Variants in SZT2 observed in about 807,000 individuals in gnomAD.
SZT2 encodes SZT2 subunit of KICSTOR complex, also known as KICSTOR complex protein SZT2.
In SZT2, 216 loss-of-function variants were observed where a neutral mutation model predicts 404.2. The ratio of observed to expected loss-of-function variants is 0.53; its 90% confidence interval spans 0.48 to 0.60. The LOEUF is 0.60. SZT2 is among the 20% of genes least tolerant of loss of function. The probability of loss-of-function intolerance (pLI) is 0.00; values close to 1 mark genes in which losing one functional copy is unlikely to be tolerated. For synonymous variants in SZT2, 1,693 were observed against 1,749.9 expected (o/e 0.97, Z 0.81); for missense variants, 3,857 against 4,459.2 (o/e 0.86, Z 3.85).
At chr1:43,428,584 A>G in intron 28 of SZT2, 98 bp downstream of exon 28, 1 of 1,491,900 alleles carries the variant, frequency 6.7e-7, no homozygotes, top group Non-Finnish European at 9.0e-7. Flanking sequence ...GCAAGGTAGT[A>G]TCTAAGCACC....
Position 43,447,183 on chromosome 1 carries a change from G to T in SZT2, c.9286+15G>T. 6.3e-7 allele frequency: 1 copy of T among 1,599,470 alleles called. No individual in the cohort carries two copies. The highest frequency in any genetic ancestry group is 1.7e-5 in the Admixed American group (1 of 58,074). On this transcript the variant is annotated intron_variant, in intron 66 of 71. Transcript: ENST00000634258. ...CATTTACCAAGGTCAGTGCCCAAGG[G>T]CAAGCCAGTGAACCCAAAAAAGAAC...
At chr1:43,422,659 C>CCCA in intron 13 of SZT2, 27 bp downstream of exon 13, 1 of 872,434 alleles carries the variant, frequency 1.1e-6, no homozygotes, top group Non-Finnish European at 1.6e-6. Flanking sequence ...CCCTTCACCC[C>CCCA]CCGCCCCCCC....
intron 42 of SZT2, 59 bp downstream of exon 42, chr1:43,435,388 G>T: frequency 6.3e-7 from 1 of 1,590,122 alleles, no homozygotes; most frequent in Non-Finnish European, 8.6e-7. Context: ...TTCTTTTACC[G>T]AATACTCTGG....
intron 1 of SZT2, 26 bp from the exon 2 acceptor site, chr1:43,403,151 A>T: frequency 6.2e-7 from 1 of 1,611,944 alleles, no homozygotes; most frequent in Non-Finnish European, 8.5e-7. Flanking sequence ...TTTTTTAAAG[A>T]TGTATTAATG....
chr1:43,428,284 G>T lies in SZT2; in HGVS notation c.3964G>T (p.Asp1322Tyr). Residue 1322 changes from aspartate (D) to tyrosine (Y), a missense_variant, in exon 28 of 72, where the codon GAT becomes TAT. By Grantham distance (160) the Asp-to-Tyr change is radical. Around this residue, in one of 7 missense-constraint regions of SZT2, gnomAD observed 1,725 missense variants for 1,881.0 expected, o/e 0.92. Coordinates refer to ENST00000634258, the MANE Select transcript of SZT2 (RefSeq NM_001365999.1). The stretch of plus-strand genomic sequence containing the variant: ...GCAAGCACAGAGTGTGACCTCCCAG[G>T]ATTTGCTGACAGCGGTAGATGCCTG... ...LQQAQSVTSQDLLTAVDACEE... is the reference protein window; with the variant it reads ...LQQAQSVTSQYLLTAVDACEE... 1 of 1,614,206 alleles carries T rather than the reference G, an allele frequency of 6.2e-7. No individual in the cohort carries two copies. The highest frequency in any genetic ancestry group is 8.5e-7 in the Non-Finnish European group (1 of 1,180,030).
rs779570720 is a variant in SZT2, at chr1:43,396,006, T to C, written c.27+6011T>C. On this transcript the variant is annotated intron_variant, in intron 1 of 71. Transcript: ENST00000634258. ...TGACAGGACTAATTGAATGATCGTA[T>C]GTGTCCAAAAAAGCCAGGTGCATGA... Among the ~76,000 whole-genome samples the C allele has an allele frequency of 8.5e-5, 13 of 152,334 alleles. 1 individual carries two copies. Among genetic ancestry groups the C allele is most frequent in the South Asian group, 8.3e-4 (4 of 4,826 alleles).
chr1:43,421,814 C>G (rs889008790), intron 11 of SZT2, among the ~76,000 whole-genome samples: 2 of 152,216 alleles, frequency 1.3e-5, no homozygotes, highest in Non-Finnish European at 2.9e-5. Flanking sequence ...GGCTTTTCTC[C>G]CAAGTCGGTG....
rs779146278 is a variant in SZT2, at chr1:43,443,643, C to T, written c.8672C>T (p.Thr2891Ile). ...GGGTCTGGGAGCCGAGAGGCCCCCA[C>T]AAGCTGTGAATCCTTGGATGTGTCG... ...ESGSGSREAP[T>I]SCESLDVSPP... Residue 2891 changes from threonine (T) to isoleucine (I), a missense_variant, in exon 62 of 72, where the codon ACA (threonine) becomes ATA (isoleucine). Physicochemically the swap from Thr to Ile is moderately conservative, Grantham distance 89. Around this residue, in one of 7 missense-constraint regions of SZT2, gnomAD observed 717 missense variants for 868.2 expected, o/e 0.83. Transcript: ENST00000634258. 2 of 1,614,238 alleles carry T rather than the reference C, an allele frequency of 1.2e-6. No homozygotes were observed. Among genetic ancestry groups the T allele is most frequent in the East Asian group, 2.2e-5 (1 of 44,882 alleles).
chr1:43,433,243 T>C, intron 40 of SZT2, 53 bp downstream of exon 40: 3 of 1,574,838 alleles, frequency 1.9e-6, no homozygotes, highest in Non-Finnish European at 2.6e-6. Flanking sequence ...CTCTTCTCTC[T>C]GCTCCCACAG....
rs775601130 is a variant in SZT2 at position 43,427,535 on chromosome 1, G to T, written c.3604G>T (p.Ala1202Ser). The change falls in exon 26 of 72, where the codon GCC becomes TCC. Residue 1202 changes from alanine (A) to serine (S), a missense_variant. Ala to Ser is a moderately conservative substitution (Grantham distance 99). Around this residue, in one of 7 missense-constraint regions of SZT2, gnomAD observed 1,725 missense variants for 1,881.0 expected, o/e 0.92. Coordinates refer to ENST00000634258, the MANE Select transcript of SZT2 (RefSeq NM_001365999.1). ...GTGACACCTTTTCTTCACAGACAAT[G>T]CCCAGAATCAAGGAGAGCTAAGTCC... Reference protein sequence around the residue: ...VLSVTLASDNAQNQGELSPPF... With the variant: ...VLSVTLASDNSQNQGELSPPF... 9 of 1,614,230 alleles carry T rather than the reference G, an allele frequency of 5.6e-6. No homozygotes were observed. Among genetic ancestry groups the T allele is most frequent in the Non-Finnish European group, 7.6e-6 (9 of 1,180,038 alleles).
rs368629223 is a variant in SZT2 at position 43,427,989 on chromosome 1, C to G, written c.3804-14C>G. On this transcript the variant is annotated splice_polypyrimidine_tract_variant and intron_variant, in intron 26 of 71. Transcript: ENST00000634258. ...AGGGAGTTGGTCAAGTTCCATTTTC[C>G]CTTCGTTTCCTAGGACTCAGTTCCT... The G allele has an allele frequency of 5.6e-6, 9 of 1,610,134 alleles. No individual in the cohort carries two copies. In the African/African-American group the frequency reaches 1.2e-4, roughly 22 times the overall value.
Position 43,437,038 on chromosome 1 carries a change from A to T in SZT2, c.6035-133A>T, listed in dbSNP as rs1341808142. ...TGGCCCTGTCGTGTTACCCAGAATG[A>T]TCATCATTTCTCTGCAATAGTCAGG... On this transcript the variant is annotated intron_variant, in intron 42 of 71. Coordinates refer to ENST00000634258, the MANE Select transcript of SZT2 (RefSeq NM_001365999.1). This position sits in a 1 kb window ranked among gnomAD's most constrained non-coding sequence, Gnocchi z 5.3. 1.6e-6 allele frequency: 2 copies of T among 1,215,814 alleles called. No individual in the cohort carries two copies. Among genetic ancestry groups the T allele is most frequent in the South Asian group, 1.4e-5 (1 of 70,612 alleles). The allele number at this position is 1,215,814 out of a possible 1,614,324, so 75.3% of individuals were successfully genotyped here.
In SZT2 at chr1:43,437,705, G is replaced by A; in HGVS notation, c.6396+5G>A. ...ATCTACTCTGAGGAAGCCTCGGCAT[G>A]TATCACTCCCACTCTCTGATGCCCC... On this transcript the variant is annotated splice_donor_5th_base_variant and intron_variant, in intron 45 of 71. Transcript: ENST00000634258. This position sits in a 1 kb window ranked among gnomAD's most constrained non-coding sequence, Gnocchi z 5.3. 1 of 1,614,100 alleles carries A rather than the reference G, an allele frequency of 6.2e-7. No individual in the cohort carries two copies. Among genetic ancestry groups the A allele is most frequent in the Non-Finnish European group, 8.5e-7 (1 of 1,180,016 alleles).
chr1:43,425,428 C>A lies in SZT2; in HGVS notation c.2646-46C>A. On this transcript the variant is annotated intron_variant, in intron 18 of 71. Coordinates refer to ENST00000634258, the MANE Select transcript of SZT2 (RefSeq NM_001365999.1). The surrounding 1 kb of genome is among the most constrained non-coding windows in gnomAD (Gnocchi z 4.3). Reference sequence around the variant, plus strand: ...CTCCTTCCCTCCATGAGGTTCACTCCCTGCCATGAGGCTGTGCATTGGACT... The same window carrying A: ...CTCCTTCCCTCCATGAGGTTCACTCACTGCCATGAGGCTGTGCATTGGACT... The A allele has an allele frequency of 6.2e-7, 1 of 1,609,262 alleles. No individual in the cohort carries two copies. Among genetic ancestry groups the A allele is most frequent in the South Asian group, 1.1e-5 (1 of 90,472 alleles).
At chr1:43,412,883 A>C (rs564597364) in intron 4 of SZT2, 12 of 152,362 alleles carry the variant, frequency 7.9e-5, no homozygotes, top group African/African-American at 2.6e-4. Context: ...GAAGGCATAC[A>C]TATGGCAAAC....
intron 62 of SZT2, among the ~76,000 whole-genome samples, chr1:43,444,826 G>A (rs183416326): frequency 1.2e-3 from 179 of 152,142 alleles, no homozygotes; most frequent in Non-Finnish European, 1.6e-3. Context: ...AGCTACTTTC[G>A]TGTCTCCAGA....
At chr1:43,404,767 G>A (rs907156500) in intron 4 of SZT2, 1 of 463,686 alleles carries the variant, frequency 2.2e-6, no homozygotes, top group African/African-American at 2.0e-5. Flanking sequence ...GGGTCAGTTG[G>A]TGTTGATTGG....
At chr1:43,409,733 A>G (rs1040622376) in intron 4 of SZT2, 2 of 176,712 alleles carry the variant, frequency 1.1e-5, no homozygotes, top group East Asian at 1.7e-4. Context: ...AATGAAAACT[A>G]TAAAACATCG....
Position 43,450,672 on chromosome 1 carries a change from C to A in SZT2, c.*192C>A. 1 of 824,574 alleles carries A rather than the reference C, an allele frequency of 1.2e-6. No individual in the cohort carries two copies. The highest frequency in any genetic ancestry group is 1.9e-6 in the Non-Finnish European group (1 of 522,336). 51.1% of individuals were successfully genotyped at this position (824,574 alleles called of 1,614,324 possible). ...GGCAGCAGGAACCGCCCTCCCCAAA[C>A]ACCCACAGCCACTGACCCATCCAGG... On this transcript the variant is annotated 3_prime_UTR_variant, in exon 72 of 72. Coordinates refer to ENST00000634258, the MANE Select transcript of SZT2 (RefSeq NM_001365999.1). This position sits in a 1 kb window ranked among gnomAD's most constrained non-coding sequence, Gnocchi z 4.3.
Sources: allele counts gnomAD v4.1 joint callset (sites outside exome capture counted in the v4.1 genomes callset), GRCh38; gene constraint gnomAD v4.1.1; regional missense constraint gnomAD v4.1.1; non-coding constraint Gnocchi (gnomAD v3.1); transcripts MANE v1.5; gene names NCBI Gene and HGNC (gene_info 2026-07-23, HGNC 2026-07-21).